ARL15: variants seen among roughly 807,000 people sequenced by gnomAD.
ARL15 encodes the protein ADP-ribosylation factor-like protein 15.
In ARL15, 19 loss-of-function variants were observed where a neutral mutation model predicts 25.2. That is an observed-to-expected ratio of 0.75 (90% CI 0.53 to 1.10). The LOEUF (loss-of-function observed/expected upper bound fraction) is 1.10. ARL15 is among the 50% of genes least tolerant of loss of function. The probability of loss-of-function intolerance (pLI) is 0.00; values close to 1 mark genes in which losing one functional copy is unlikely to be tolerated. For synonymous variants in ARL15, 94 were observed against 86.8 expected, an observed-to-expected ratio of 1.08 and a Z score of -0.46; for missense variants, 220 against 246.0, an observed-to-expected ratio of 0.89 and a Z score of 0.71.
intron 1 of ARL15, among the ~76,000 whole-genome samples, chr5:54,272,659 ACAATGGCCCTT>A (rs1331969455): frequency 6.6e-6 from 1 of 152,248 alleles, no homozygotes; most frequent in African/African-American, 2.4e-5. Flanking sequence ...AAGAAACCTC[ACAATGGCCCTT>A]TGTAAAGGAT....
At chr5:54,157,096 T>A (rs760773315) in intron 2 of ARL15, among the ~76,000 whole-genome samples, 7 of 152,324 alleles carry the variant, frequency 4.6e-5, no homozygotes, top group Non-Finnish European at 1.0e-4. Context: ...TCAGGACAAC[T>A]CAAGTGTAGA....
At chr5:54,253,180 G>A (rs1027842063) in intron 1 of ARL15, among the ~76,000 whole-genome samples, 5 of 151,928 alleles carry the variant, frequency 3.3e-5, no homozygotes, top group East Asian at 3.9e-4. Flanking sequence ...ATGGCTTCTC[G>A]GCAGCAGTCA....
chr5:54,101,912 T>G (rs967488133), intron 4 of ARL15, among the ~76,000 whole-genome samples: 1 of 152,144 alleles, frequency 6.6e-6, no homozygotes, highest in Non-Finnish European at 1.5e-5. Flanking sequence ...ATTTCCATAT[T>G]CATGGCTGTC....
intron 4 of ARL15, among the ~76,000 whole-genome samples, chr5:53,998,706 G>GA (rs1234042143): frequency 1.3e-5 from 2 of 152,204 alleles, no homozygotes; most frequent in Non-Finnish European, 2.9e-5. Flanking sequence ...TTAATTCAGT[G>GA]AATCAATCAG....
chr5:54,189,614 C>G (rs1229983056), intron 1 of ARL15, among the ~76,000 whole-genome samples: 1 of 152,076 alleles, frequency 6.6e-6, no homozygotes, highest in Non-Finnish European at 1.5e-5. Flanking sequence ...AAGTTGTACC[C>G]TTACCTAATG....
chr5:54,131,598 C>T (rs1012914652), intron 3 of ARL15, among the ~76,000 whole-genome samples: 1 of 152,108 alleles, frequency 6.6e-6, no homozygotes, highest in African/African-American at 2.4e-5. Context: ...ACCATTGTTA[C>T]TTATGTAAAA....
intron 4 of ARL15, among the ~76,000 whole-genome samples, chr5:54,061,860 T>C (rs928484041): frequency 1.3e-5 from 2 of 152,064 alleles, no homozygotes; most frequent in Non-Finnish European, 2.9e-5. Context: ...TGGCAGATCC[T>C]CTGACAGCTC....
intron 4 of ARL15, among the ~76,000 whole-genome samples, chr5:54,060,964 A>G (rs1751044281): frequency 6.6e-6 from 1 of 152,146 alleles, no homozygotes; most frequent in Non-Finnish European, 1.5e-5. Context: ...AGAAAATCCC[A>G]TTTTCTGAGG....
intron 4 of ARL15, among the ~76,000 whole-genome samples, chr5:54,058,039 C>T (rs1210017554): frequency 6.8e-6 from 1 of 147,280 alleles, no homozygotes; most frequent in Non-Finnish European, 1.5e-5. Context: ...AAGTCTCGCT[C>T]TTGTTCCCCA....
In ARL15 at chr5:54,134,568, C is replaced by CTTTT. The variant is rs5867914; in HGVS notation, c.253+20008_253+20011dup. Among the ~76,000 whole-genome samples, 43 of 51,796 alleles carry CTTTT rather than the reference C, an allele frequency of 8.3e-4. 4 individuals are homozygous for CTTTT. The highest frequency in any genetic ancestry group is 1.2e-3 in the African/African-American group (15 of 12,294). The allele number at this position is 51,796 out of a possible 152,430, so 34.0% of individuals were successfully genotyped here. The stretch of plus-strand genomic sequence containing the variant: ...GTGAGCTCCCTGAAGGAATGATTAG[C>CTTTT]TTTTTTTTTTTTTTTTTTTTTTTTT... On this transcript the variant is annotated intron_variant, in intron 3 of 4. Transcript: ENST00000504924.
At chr5:54,029,775 C>T (rs911065959) in intron 4 of ARL15, among the ~76,000 whole-genome samples, 5 of 152,036 alleles carry the variant, frequency 3.3e-5, no homozygotes, top group East Asian at 3.9e-4. Flanking sequence ...GGGCAGATCA[C>T]GAGGTCAGGA....
intron 3 of ARL15, among the ~76,000 whole-genome samples, chr5:54,121,217 G>C (rs180993034): frequency 6.6e-6 from 1 of 152,226 alleles, no homozygotes; most frequent in East Asian, 1.9e-4. Context: ...AATTGTAAGA[G>C]AATTATGCTT....
chr5:54,283,483 A>G (rs879607637), intron 1 of ARL15, among the ~76,000 whole-genome samples: 1 of 152,234 alleles, frequency 6.6e-6, no homozygotes, highest in Non-Finnish European at 1.5e-5. Flanking sequence ...ATAATTTCAT[A>G]CTGGGGATCA....
At chr5:54,050,561 G>T (rs901031265) in intron 4 of ARL15, among the ~76,000 whole-genome samples, 4 of 152,104 alleles carry the variant, frequency 2.6e-5, no homozygotes, top group Non-Finnish European at 5.9e-5. Context: ...GAGCACTTCT[G>T]AATTAAAGAA....
chr5:54,046,247 G>A (rs979291108), intron 4 of ARL15, among the ~76,000 whole-genome samples: 10 of 152,300 alleles, frequency 6.6e-5, no homozygotes, highest in East Asian at 5.8e-4. Context: ...TTGGGAGGCC[G>A]AGGTGGATGG....
At chr5:54,089,522 TA>T (rs1231898224) in intron 4 of ARL15, among the ~76,000 whole-genome samples, 1 of 152,184 alleles carries the variant, frequency 6.6e-6, no homozygotes, top group Non-Finnish European at 1.5e-5. Flanking sequence ...ATATCTTTTA[TA>T]AAAAAGTTTT....
chr5:54,125,743 G>A (rs529734014), intron 3 of ARL15, among the ~76,000 whole-genome samples: 67 of 152,230 alleles, frequency 4.4e-4, no homozygotes, highest in African/African-American at 1.5e-3. Flanking sequence ...CTGATAAAAC[G>A]TGTGCTGTTT....
chr5:54,270,186 G>A (rs1159627043), intron 1 of ARL15, among the ~76,000 whole-genome samples: 3 of 152,126 alleles, frequency 2.0e-5, no homozygotes, highest in African/African-American at 4.8e-5. Flanking sequence ...AGTATATTTT[G>A]TTTTATTGAA....
intron 4 of ARL15, among the ~76,000 whole-genome samples, chr5:54,011,416 G>GT (rs1334742189): frequency 1.3e-5 from 2 of 152,058 alleles, no homozygotes; most frequent in African/African-American, 4.8e-5. Flanking sequence ...GAAGAGGTTG[G>GT]TTTTTTGTTG....
Sources: gnomAD v4.1 joint callset for allele counts (sites outside exome capture counted in the v4.1 genomes callset) on GRCh38, gnomAD v4.1.1 for gene constraint, MANE v1.5 for transcripts, NCBI Gene and HGNC (gene_info 2026-07-23, HGNC 2026-07-21) for gene names.